The following NR6A1 variants were observed in gnomAD, a reference collection of about 807,000 sequenced individuals.
NR6A1 encodes the protein retinoic acid receptor-related testis-associated receptor.
In NR6A1, 7 loss-of-function variants were observed where a neutral mutation model predicts 59.1. The observed-to-expected ratio is 0.12, with a 90% CI of 0.07 to 0.22. The LOEUF (loss-of-function observed/expected upper bound fraction) is 0.22. Among genes scored for constraint, NR6A1 ranks in the 10% least tolerant of loss-of-function variants. The pLI, the probability that NR6A1 is intolerant of heterozygous loss-of-function variation, is 1.00. For missense variants in NR6A1, 468 were observed against 611.6 expected, an observed-to-expected ratio of 0.77 and a Z score of 2.48; for synonymous variants, 243 against 236.1, an observed-to-expected ratio of 1.03 and a Z score of -0.27.
At chr9:124,593,184 T>C (rs1215792682) in intron 2 of NR6A1, among the ~76,000 whole-genome samples, 5 of 152,184 alleles carry the variant, frequency 3.3e-5, no homozygotes, top group African/African-American at 7.2e-5. Context: ...AAATCTACAA[T>C]TTTTGTAGAG....
intron 2 of NR6A1, among the ~76,000 whole-genome samples, chr9:124,673,048 G>A (rs1040533211): frequency 6.6e-6 from 1 of 152,170 alleles, no homozygotes; most frequent in Non-Finnish European, 1.5e-5. Context: ...TGAGCCAGGC[G>A]CGGTAGCTCA....
In NR6A1 at chr9:124,666,275, C is replaced by CTTTTTTTTTTT. The variant is rs922378385; in HGVS notation, c.142+67022_142+67032dup. Among the ~76,000 whole-genome samples, 64 of 103,042 alleles carry CTTTTTTTTTTT rather than the reference C, an allele frequency of 6.2e-4. 2 individuals are homozygous for CTTTTTTTTTTT. The highest frequency in any genetic ancestry group is 2.7e-3 in the African/African-American group (61 of 23,002). 67.6% of individuals were successfully genotyped at this position (103,042 alleles called of 152,430 possible). A position where few individuals can be genotyped will look rare whatever the true frequency, so the allele number is the denominator to read the frequency against. ...TTGGCGGAATTACCTCTATGTGGTT[C>CTTTTTTTTTTT]TTTTTTTTTTTTTTTTTTTTTGAGA... is the stretch of plus-strand genomic sequence containing the variant. On this transcript the variant is annotated intron_variant, in intron 2 of 9. Coordinates refer to ENST00000487099, the MANE Select transcript of NR6A1 (RefSeq NM_033334.4).
intron 2 of NR6A1, among the ~76,000 whole-genome samples, chr9:124,720,356 G>T (rs1182838278): frequency 6.6e-6 from 1 of 152,100 alleles, no homozygotes; most frequent in Non-Finnish European, 1.5e-5. Flanking sequence ...CGGCCATCTT[G>T]AACATTTTAA....
Position 124,520,776 on chromosome 9 carries a change from C to T in NR6A1, c.*1929G>A, listed in dbSNP as rs143847286. On this transcript the variant is annotated 3_prime_UTR_variant, in exon 10 of 10. Transcript: ENST00000487099. ...CAAGTATCGTGAACTTAGAAATAAA[C>T]AGATACACACGAACACACAAGAATC... 1.3e-5 allele frequency: 2 copies of T among 152,296 alleles called. No homozygotes were observed. The highest frequency in any genetic ancestry group is 3.9e-4 in the East Asian group (2 of 5,188). 9.4% of individuals were successfully genotyped at this position (152,296 alleles called of 1,614,324 possible).
intron 2 of NR6A1, among the ~76,000 whole-genome samples, chr9:124,566,965 G>A (rs1316890222): frequency 1.3e-5 from 2 of 151,846 alleles, no homozygotes; most frequent in Non-Finnish European, 2.9e-5. Flanking sequence ...AAAATTAGCC[G>A]GGCGTAGTGG....
chr9:124,627,465 T>C (rs927998909), intron 2 of NR6A1, among the ~76,000 whole-genome samples: 4 of 152,238 alleles, frequency 2.6e-5, no homozygotes, highest in African/African-American at 9.6e-5. Flanking sequence ...CAGGAGATTA[T>C]GGAAATCCAC....
At chr9:124,678,989 G>A (rs1162815005) in intron 2 of NR6A1, among the ~76,000 whole-genome samples, 1 of 152,104 alleles carries the variant, frequency 6.6e-6, no homozygotes, top group Non-Finnish European at 1.5e-5. Context: ...GCTGAGGTAG[G>A]AGGTTTGCTT....
intron 2 of NR6A1, among the ~76,000 whole-genome samples, chr9:124,585,813 T>G (rs1263043155): frequency 2.0e-5 from 3 of 152,154 alleles, no homozygotes. Flanking sequence ...CAATGCTCAC[T>G]GACCATTCAG....
chr9:124,751,131 C>T (rs994921780), intron 1 of NR6A1, among the ~76,000 whole-genome samples: 9 of 152,174 alleles, frequency 5.9e-5, no homozygotes, highest in African/African-American at 2.2e-4. Flanking sequence ...GTAATTATCA[C>T]ACAGTGGGCA....
At position 124,771,254 on chromosome 9, in the gene NR6A1, C is replaced by A. The variant is rs940212368; in HGVS notation, c.-135G>T. ...TCCCGGCCGCGGCTCTCTCTGGGCC[C>A]CGAGCCGCCCGGCTCCGCGCCGCTC... On this transcript the variant is annotated 5_prime_UTR_variant, in exon 1 of 10. Coordinates refer to ENST00000487099, the MANE Select transcript of NR6A1 (RefSeq NM_033334.4). The A allele has an allele frequency of 2.3e-6, 1 of 438,606 alleles. No individual in the cohort carries two copies. The highest frequency in any genetic ancestry group is 3.8e-6 in the Non-Finnish European group (1 of 264,018). 27.2% of individuals were successfully genotyped at this position (438,606 alleles called of 1,614,324 possible).
intron 8 of NR6A1, among the ~76,000 whole-genome samples, chr9:124,525,916 AAT>A (rs1420797858): frequency 6.6e-6 from 1 of 152,150 alleles, no homozygotes; most frequent in Non-Finnish European, 1.5e-5. Flanking sequence ...AAGTTTTCTC[AAT>A]GTCTTTAATG....
At chr9:124,610,299 T>C (rs1835701695) in intron 2 of NR6A1, among the ~76,000 whole-genome samples, 2 of 152,192 alleles carry the variant, frequency 1.3e-5, no homozygotes, top group Admixed American at 6.5e-5. Context: ...TATTGAGAGT[T>C]TTTAACATGA....
At chr9:124,556,184 G>C (rs976532631) in intron 2 of NR6A1, among the ~76,000 whole-genome samples, 6 of 152,342 alleles carry the variant, frequency 3.9e-5, no homozygotes, top group Admixed American at 1.3e-4. Context: ...TCTTGCGGTA[G>C]GGGGTTATTC....
intron 2 of NR6A1, among the ~76,000 whole-genome samples, chr9:124,731,153 C>A (rs1839873035): frequency 6.6e-6 from 1 of 152,096 alleles, no homozygotes; most frequent in Admixed American, 6.6e-5. Flanking sequence ...AGGCGGATCA[C>A]AAGGTCAGGA....
chr9:124,612,780 T>TTTTCTTTCTTTCTTTTCTTTCTTTC (rs1047621539), intron 2 of NR6A1, among the ~76,000 whole-genome samples: 1 of 144,758 alleles, frequency 6.9e-6, no homozygotes, highest in Admixed American at 6.9e-5. Context: ...TAGTTTGGGT[T>TTTTCTTTCTTTCTTTTCTTTCTTTC]TTTCTTTCTT....
At chr9:124,573,422 A>C (rs1407641416) in intron 2 of NR6A1, among the ~76,000 whole-genome samples, 1 of 152,158 alleles carries the variant, frequency 6.6e-6, no homozygotes, top group African/African-American at 2.4e-5. Context: ...TCTAACTTGA[A>C]ATCTTTCACC....
intron 2 of NR6A1, among the ~76,000 whole-genome samples, chr9:124,600,710 G>A (rs535133785): frequency 6.6e-6 from 1 of 152,278 alleles, no homozygotes; most frequent in Admixed American, 6.5e-5. Context: ...GATGTTATGA[G>A]TACTGTAACT....
intron 1 of NR6A1, among the ~76,000 whole-genome samples, chr9:124,737,226 A>G (rs370953259): frequency 5.3e-5 from 8 of 152,342 alleles, no homozygotes; most frequent in African/African-American, 1.9e-4. Flanking sequence ...TATAAAATTC[A>G]GTAATTACAT....
chr9:124,624,912 GT>G lies in NR6A1; in HGVS notation c.143-70343del, dbSNP rs71492418. Among the ~76,000 whole-genome samples the G allele has an allele frequency of 4.0e-3, 537 of 134,820 alleles. 5 individuals are homozygous for G. Among genetic ancestry groups the G allele is most frequent in the Middle Eastern group, 0.027 (7 of 260 alleles). The allele number at this position is 134,820 out of a possible 152,430, so 88.4% of individuals were successfully genotyped here. A position where few individuals can be genotyped will look rare whatever the true frequency, so the allele number is the denominator to read the frequency against. On this transcript the variant is annotated intron_variant, in intron 2 of 9. Coordinates refer to ENST00000487099, the MANE Select transcript of NR6A1 (RefSeq NM_033334.4). ...ACATTACTTTTTCTGTTGCTAGCTT[GT>G]TTTTTTTTTTTTTTTTCTACCAACC...
Sources: gnomAD v4.1 joint callset for allele counts (sites outside exome capture counted in the v4.1 genomes callset) on GRCh38, gnomAD v4.1.1 for gene constraint, MANE v1.5 for transcripts, NCBI Gene and HGNC (gene_info 2026-07-23, HGNC 2026-07-21) for gene names.